KCNJ6: variants seen among roughly 807,000 people sequenced by gnomAD.
KCNJ6 encodes potassium inwardly rectifying channel subfamily J member 6, also known as G protein-activated inward rectifier potassium channel 2.
KCNJ6 carries 9 observed loss-of-function variants against 34.2 expected under a neutral mutation model. The ratio of observed to expected loss-of-function variants is 0.26; its 90% confidence interval spans 0.16 to 0.46. The LOEUF (loss-of-function observed/expected upper bound fraction) is 0.46, where lower values mean the gene tolerates loss of function less well. KCNJ6 is among the 20% of genes least tolerant of loss of function. The pLI is 1.00. For synonymous variants in KCNJ6, 196 were observed against 207.1 expected (o/e 0.95, Z 0.46); for missense variants, 236 against 531.3 (o/e 0.44, Z 5.46).
chr21:37,866,847 C>T (rs1191254611), intron 1 of KCNJ6, among the ~76,000 whole-genome samples: 1 of 152,166 alleles, frequency 6.6e-6, no homozygotes. Context: ...ATGAAGATTA[C>T]TGGATGTCTT....
chr21:37,749,224 T>C (rs1426853709), intron 2 of KCNJ6, among the ~76,000 whole-genome samples: 3 of 152,146 alleles, frequency 2.0e-5, no homozygotes, highest in Non-Finnish European at 2.9e-5. Flanking sequence ...CTCGAGGGCA[T>C]CTTTGCTCAG....
chr21:37,825,419 G>A (rs1000545091), intron 2 of KCNJ6, among the ~76,000 whole-genome samples: 3 of 152,106 alleles, frequency 2.0e-5, no homozygotes, highest in East Asian at 1.9e-4. Context: ...AAAGCCTCTA[G>A]GAGTACTTCA....
intron 1 of KCNJ6, among the ~76,000 whole-genome samples, chr21:37,883,030 G>C (rs2055717758): frequency 2.0e-5 from 3 of 152,220 alleles, no homozygotes; most frequent in East Asian, 1.9e-4. Flanking sequence ...ATGTGGGTCT[G>C]TATGTGCATG....
rs1004798095 is a variant in KCNJ6, at chr21:37,828,779, G to C, written c.25+11879C>G. 2.0e-5 allele frequency among the ~76,000 whole-genome samples: 3 copies of C among 152,186 alleles called. No individual in the cohort carries two copies. In the East Asian group the frequency reaches 5.8e-4, roughly 29 times the overall value. ...TCCAGAGCTGAGGCTGAGGCTCAGC[G>C]CTTCCTAAACATGCTGCCTTCTCCC... On this transcript the variant is annotated intron_variant, in intron 2 of 3. Coordinates refer to ENST00000609713, the MANE Select transcript of KCNJ6 (RefSeq NM_002240.5).
intron 2 of KCNJ6, among the ~76,000 whole-genome samples, chr21:37,720,259 G>C (rs2054818187): frequency 6.6e-6 from 1 of 151,922 alleles, no homozygotes; most frequent in Non-Finnish European, 1.5e-5. Context: ...ATCACACAAA[G>C]AGCTAAATAA....
Position 37,674,342 on chromosome 21 carries a change from A to G in KCNJ6, c.946+39869T>C, listed in dbSNP as rs1457698384. Among the ~76,000 whole-genome samples, 4 of 152,248 alleles carry G rather than the reference A, an allele frequency of 2.6e-5. No homozygotes were observed. In the East Asian group the frequency reaches 7.7e-4, roughly 29 times the overall value. The stretch of plus-strand genomic sequence containing the variant: ...AGCAAATGAGGACAGTTGGTCATCT[A>G]CAGCTCACACGCCAACCACAGCCAT... On this transcript the variant is annotated intron_variant, in intron 3 of 3. Transcript: ENST00000609713.
intron 1 of KCNJ6, among the ~76,000 whole-genome samples, chr21:37,901,441 G>A (rs1321952645): frequency 6.6e-6 from 1 of 152,166 alleles, no homozygotes; most frequent in Admixed American, 6.5e-5. Context: ...AGGGATAAAG[G>A]TAGAGAGCTC....
At chr21:37,794,725 C>T (rs963542599) in intron 2 of KCNJ6, among the ~76,000 whole-genome samples, 6 of 151,326 alleles carry the variant, frequency 4.0e-5, no homozygotes, top group South Asian at 2.1e-4. Context: ...CGGGGCCTGT[C>T]GGGAGTTGGG....
chr21:37,625,088 A>G lies in KCNJ6; in HGVS notation c.*71T>C. 1 of 1,116,610 alleles carries G rather than the reference A, an allele frequency of 9.0e-7. No homozygotes were observed. Among genetic ancestry groups the G allele is most frequent in the Middle Eastern group, 2.0e-4 (1 of 4,906 alleles). 69.2% of individuals were successfully genotyped at this position (1,116,610 alleles called of 1,614,324 possible). A position where few individuals can be genotyped will look rare whatever the true frequency, so the allele number is the denominator to read the frequency against. Reference sequence around the variant, plus strand: ...AAAGAACAAAGCAAGAGAGACAGAAAAAGAAAGAGAATGAGAGACAAGGAA... The same window carrying G: ...AAAGAACAAAGCAAGAGAGACAGAAGAAGAAAGAGAATGAGAGACAAGGAA... On this transcript the variant is annotated 3_prime_UTR_variant, in exon 4 of 4. Coordinates refer to ENST00000609713, the MANE Select transcript of KCNJ6 (RefSeq NM_002240.5).
intron 3 of KCNJ6, among the ~76,000 whole-genome samples, chr21:37,668,479 G>T (rs545622334): frequency 4.6e-5 from 7 of 152,284 alleles, no homozygotes; most frequent in African/African-American, 1.7e-4. Context: ...CACCAGTTAG[G>T]TTGGATGAGG....
At chr21:37,735,001 T>C (rs11909514) in intron 2 of KCNJ6, among the ~76,000 whole-genome samples, 11,274 of 152,146 alleles carry the variant, frequency 0.074, 450 homozygotes, top group African/African-American at 0.094. Flanking sequence ...TCTTCACGAT[T>C]CGCTCAGGGC....
chr21:37,819,565 T>C (rs1056443011), intron 2 of KCNJ6, among the ~76,000 whole-genome samples: 1 of 152,150 alleles, frequency 6.6e-6, no homozygotes, highest in Admixed American at 6.5e-5. Context: ...CACTGCCCAG[T>C]CATGTGACAG....
chr21:37,772,074 G>T (rs982506533), intron 2 of KCNJ6, among the ~76,000 whole-genome samples: 2 of 152,090 alleles, frequency 1.3e-5, no homozygotes, highest in Non-Finnish European at 2.9e-5. Context: ...TATCTCATCT[G>T]CATCTTATTA....
chr21:37,629,924 G>T (rs972302923), intron 3 of KCNJ6, among the ~76,000 whole-genome samples: 1 of 152,096 alleles, frequency 6.6e-6, no homozygotes, highest in Non-Finnish European at 1.5e-5. Flanking sequence ...GGATAAAAAA[G>T]AATATTAATG....
chr21:37,759,942 G>T (rs2055052065), intron 2 of KCNJ6, among the ~76,000 whole-genome samples: 2 of 152,140 alleles, frequency 1.3e-5, no homozygotes, highest in African/African-American at 4.8e-5. Flanking sequence ...GCTCTCCCCA[G>T]GGGCAGCCAG....
chr21:37,700,658 C>G (rs1481565957), intron 3 of KCNJ6, among the ~76,000 whole-genome samples: 2 of 152,086 alleles, frequency 1.3e-5, no homozygotes, highest in Admixed American at 1.3e-4. Flanking sequence ...AGGGCAGCGG[C>G]CAAGCCCCTG....
At chr21:37,756,761 A>C in intron 2 of KCNJ6, among the ~76,000 whole-genome samples, 1 of 136,446 alleles carries the variant, frequency 7.3e-6, no homozygotes, top group African/African-American at 2.9e-5. Context: ...TCACAGCATG[A>C]TGGTTCCAGC....
rs1312645983 is a variant in KCNJ6 at position 37,608,088 on chromosome 21, A to G, written c.*17071T>C. 6.6e-6 allele frequency: 1 copy of G among 152,222 alleles called. No individual in the cohort carries two copies. The highest frequency in any genetic ancestry group is 1.5e-5 in the Non-Finnish European group (1 of 68,046). 9.4% of individuals were successfully genotyped at this position (152,222 alleles called of 1,614,324 possible). On this transcript the variant is annotated 3_prime_UTR_variant, in exon 4 of 4. Coordinates refer to ENST00000609713, the MANE Select transcript of KCNJ6 (RefSeq NM_002240.5). ...AAAGACTTCAGAGCCTTTAAGATGC[A>G]ATGATGGGTTTATCAATAATACTGT...
At chr21:37,889,493 G>C (rs2055751717) in intron 1 of KCNJ6, among the ~76,000 whole-genome samples, 1 of 152,182 alleles carries the variant, frequency 6.6e-6, no homozygotes, top group Non-Finnish European at 1.5e-5. Flanking sequence ...ATTTTGCCCA[G>C]GGCCGGCTGA....
Sources: allele counts gnomAD v4.1 joint callset (sites outside exome capture counted in the v4.1 genomes callset), GRCh38; gene constraint gnomAD v4.1.1; transcripts MANE v1.5; gene names NCBI Gene and HGNC (gene_info 2026-07-23, HGNC 2026-07-21).